Variants in PDE1C observed in about 807,000 individuals in gnomAD.
PDE1C encodes phosphodiesterase 1C, also known as dual specificity calcium/calmodulin-dependent 3',5'-cyclic nucleotide phosphodiesterase 1C.
Under a neutral mutation model 93.1 loss-of-function variants are expected in PDE1C, and 62 were observed. The observed-to-expected ratio is 0.67, with a 90% CI of 0.54 to 0.82. The LOEUF (loss-of-function observed/expected upper bound fraction) is 0.82, where lower values mean the gene tolerates loss of function less well. Among genes scored for constraint, PDE1C ranks in the 40% least tolerant of loss-of-function variants. The probability of loss-of-function intolerance (pLI) is 0.00; values close to 1 mark genes in which losing one functional copy is unlikely to be tolerated. For synonymous variants in PDE1C, 325 were observed against 310.1 expected, an observed-to-expected ratio of 1.05 and a Z score of -0.50; for missense variants, 742 against 884.6, an observed-to-expected ratio of 0.84 and a Z score of 2.04.
chr7:32,122,525 C>T (rs1169315507), intron 3 of PDE1C, among the ~76,000 whole-genome samples: 2 of 152,136 alleles, frequency 1.3e-5, no homozygotes, highest in Admixed American at 1.3e-4. Context: ...TCTTAGACCA[C>T]AATGCAATCA....
intron 1 of PDE1C, among the ~76,000 whole-genome samples, chr7:32,403,324 C>G (rs1399126829): frequency 6.6e-6 from 1 of 152,240 alleles, no homozygotes; most frequent in African/African-American, 2.4e-5. Flanking sequence ...ATTTCCCCCT[C>G]TCTCCACTGT....
upstream of PDE1C, among the ~76,000 whole-genome samples, chr7:32,303,380 T>C (rs902014680): frequency 1.3e-5 from 2 of 152,176 alleles, no homozygotes; most frequent in African/African-American, 4.8e-5. Flanking sequence ...TACTAGGCAT[T>C]GTGCTAACCA....
chr7:32,067,515 T>G (rs937625392), intron 1 of PDE1C, among the ~76,000 whole-genome samples: 2 of 152,210 alleles, frequency 1.3e-5, no homozygotes, highest in African/African-American at 4.8e-5. Flanking sequence ...ACTTGGCTGT[T>G]GATTATTTGC....
intron 2 of PDE1C, among the ~76,000 whole-genome samples, chr7:32,038,478 G>A (rs530603471): frequency 6.6e-6 from 1 of 152,134 alleles, no homozygotes; most frequent in Non-Finnish European, 1.5e-5. Flanking sequence ...GGGCCATATA[G>A]CATACACGCA....
the PDE1C span, chr7:31,642,893 T>A: frequency 6.2e-7 from 1 of 1,614,002 alleles, no homozygotes; most frequent in Non-Finnish European, 8.5e-7. Flanking sequence ...GAGTTTCTGC[T>A]TGAGGCCATG....
At chr7:31,861,946 T>C (rs1226997708) in intron 7 of PDE1C, among the ~76,000 whole-genome samples, 2 of 152,180 alleles carry the variant, frequency 1.3e-5, no homozygotes, top group East Asian at 1.9e-4. Context: ...TGCTTCTTCC[T>C]CAGCCTCATA....
intron 2 of PDE1C, among the ~76,000 whole-genome samples, chr7:32,005,284 C>T (rs921502875): frequency 6.6e-5 from 10 of 151,706 alleles, no homozygotes; most frequent in African/African-American, 9.7e-5. Flanking sequence ...TGGCCGGGTG[C>T]GGTGGTTCAT....
chr7:31,901,858 TA>T (rs1185655872), intron 2 of PDE1C, among the ~76,000 whole-genome samples: 1 of 151,634 alleles, frequency 6.6e-6, no homozygotes, highest in Non-Finnish European at 1.5e-5. Context: ...TTCATAACAG[TA>T]AAAAAGTCTG....
chr7:31,626,305 C>T, the PDE1C span, among the ~76,000 whole-genome samples: 2 of 152,268 alleles, frequency 1.3e-5, no homozygotes, highest in South Asian at 2.1e-4. Flanking sequence ...AACTGCATAA[C>T]TCCTTTTGAA....
the PDE1C span, among the ~76,000 whole-genome samples, chr7:31,619,682 A>C: frequency 5.9e-5 from 9 of 152,258 alleles, no homozygotes; most frequent in East Asian, 1.8e-3. Context: ...TGAGCCACGC[A>C]GAAGACGGGT....
At chr7:31,912,688 A>T (rs2128941314) in intron 2 of PDE1C, among the ~76,000 whole-genome samples, 1 of 152,200 alleles carries the variant, frequency 6.6e-6, no homozygotes, top group South Asian at 2.1e-4. Context: ...CCTTGTCTCA[A>T]AAAATATATA....
the PDE1C span, among the ~76,000 whole-genome samples, chr7:31,618,752 A>T: frequency 6.6e-6 from 1 of 152,210 alleles, no homozygotes; most frequent in African/African-American, 2.4e-5. Flanking sequence ...GCTCAAGTTC[A>T]CCCAGCTGGC....
intron 15 of PDE1C, among the ~76,000 whole-genome samples, chr7:31,813,546 G>T (rs1787820301): frequency 6.6e-6 from 1 of 152,140 alleles, no homozygotes; most frequent in South Asian, 2.1e-4. Flanking sequence ...AGTTGGTTCA[G>T]TCCTCAGAAG....
At chr7:32,044,139 A>G (rs370286921) in intron 2 of PDE1C, among the ~76,000 whole-genome samples, 25 of 152,332 alleles carry the variant, frequency 1.6e-4, no homozygotes, top group Middle Eastern at 3.4e-3. Flanking sequence ...TCTTATACAG[A>G]ATTAGAGAAG....
chr7:32,049,274 C>T (rs1443446516), intron 2 of PDE1C, among the ~76,000 whole-genome samples: 1 of 152,126 alleles, frequency 6.6e-6, no homozygotes, highest in African/African-American at 2.4e-5. Context: ...CAGCAATCTC[C>T]AGGAAGCTTT....
the PDE1C span, among the ~76,000 whole-genome samples, chr7:31,672,887 A>T: frequency 5.3e-5 from 8 of 152,090 alleles, no homozygotes; most frequent in Non-Finnish European, 1.0e-4. Context: ...ATAGGGGAGC[A>T]TTTTCCCCTT....
chr7:31,735,594 G>A, the PDE1C span, among the ~76,000 whole-genome samples: 1 of 152,160 alleles, frequency 6.6e-6, no homozygotes. Context: ...TTGAATTTCA[G>A]TTTCCTCATC....
At chr7:32,160,034 A>T (rs1244167698) in intron 3 of PDE1C, among the ~76,000 whole-genome samples, 1 of 152,126 alleles carries the variant, frequency 6.6e-6, no homozygotes, top group African/African-American at 2.4e-5. Flanking sequence ...GAACCACATA[A>T]GAATCAAAAC....
At chr7:31,642,367 G>A in the PDE1C span, 1 of 776,966 alleles carries the variant, frequency 1.3e-6, no homozygotes, top group Non-Finnish European at 2.1e-6. Context: ...AGAAAGAGGG[G>A]TGTTTTAAAT....
Sources: allele counts gnomAD v4.1 joint callset (sites outside exome capture counted in the v4.1 genomes callset), GRCh38; gene constraint gnomAD v4.1.1; transcripts MANE v1.5; gene names NCBI Gene and HGNC (gene_info 2026-07-23, HGNC 2026-07-21).